ADGRB3: variants seen among roughly 807,000 people sequenced by gnomAD.
ADGRB3 encodes the protein brain-specific angiogenesis inhibitor 3.
Under a neutral mutation model 193.4 loss-of-function variants are expected in ADGRB3, and 37 were observed. The ratio of observed to expected loss-of-function variants is 0.19; its 90% CI spans 0.15 to 0.25. The LOEUF (loss-of-function observed/expected upper bound fraction) is 0.25, where lower values mean the gene tolerates loss of function less well. Among genes scored for constraint, ADGRB3 ranks in the 10% least tolerant of loss-of-function variants. The pLI is 1.00. For synonymous variants in ADGRB3, 690 were observed against 644.2 expected (o/e 1.07, Z -1.08); for missense variants, 1,637 against 1,852.9 (o/e 0.88, Z 2.14).
At chr6:68,834,132 C>A (rs1457517184) in intron 3 of ADGRB3, among the ~76,000 whole-genome samples, 1 of 151,750 alleles carries the variant, frequency 6.6e-6, no homozygotes. Context: ...AACATGCAAA[C>A]CTAGTCTAAA....
At chr6:68,815,357 T>C (rs1198559811) in intron 3 of ADGRB3, among the ~76,000 whole-genome samples, 2 of 152,170 alleles carry the variant, frequency 1.3e-5, no homozygotes, top group Non-Finnish European at 1.5e-5. Context: ...GTAATTACAG[T>C]ATTGACGTGA....
At chr6:68,868,268 G>A (rs1294285963) in intron 3 of ADGRB3, among the ~76,000 whole-genome samples, 4 of 152,074 alleles carry the variant, frequency 2.6e-5, no homozygotes, top group Non-Finnish European at 5.9e-5. Context: ...AAAAGTGTGT[G>A]TCATCCCCCA....
chr6:69,044,053 A>G (rs1036808657), intron 13 of ADGRB3, among the ~76,000 whole-genome samples: 2 of 152,194 alleles, frequency 1.3e-5, no homozygotes, highest in African/African-American at 4.8e-5. Context: ...AAAAACAAAA[A>G]CAAAAACAAA....
intron 10 of ADGRB3, among the ~76,000 whole-genome samples, chr6:68,993,046 T>C (rs1476780871): frequency 6.6e-6 from 1 of 152,188 alleles, no homozygotes; most frequent in African/African-American, 2.4e-5. Context: ...CATTATAAGA[T>C]GTTTTTCCTC....
At chr6:68,852,510 T>G (rs1768425160) in intron 3 of ADGRB3, among the ~76,000 whole-genome samples, 1 of 151,958 alleles carries the variant, frequency 6.6e-6, no homozygotes, top group African/African-American at 2.4e-5. Flanking sequence ...GACAAACACT[T>G]TAGCTATAGC....
rs528309585 is a variant in ADGRB3 at position 69,265,379 on chromosome 6, G to A, written c.2814+26153G>A. Among the ~76,000 whole-genome samples, 34 of 151,718 alleles carry A rather than the reference G, an allele frequency of 2.2e-4. No individual in the cohort carries two copies. In the South Asian group the frequency reaches 2.5e-3, roughly 11 times the overall value. On this transcript the variant is annotated intron_variant, in intron 20 of 31. Coordinates refer to ENST00000370598, the MANE Select transcript of ADGRB3 (RefSeq NM_001704.3). ...TAGCACCATCCCACCCCTAGCCCCCGTCCACAAGAAAACTCTTTATTAGTC... is the reference window on the plus strand; with the variant it reads ...TAGCACCATCCCACCCCTAGCCCCCATCCACAAGAAAACTCTTTATTAGTC...
At chr6:69,371,005 G>T (rs140980661) in intron 29 of ADGRB3, among the ~76,000 whole-genome samples, 1 of 152,116 alleles carries the variant, frequency 6.6e-6, no homozygotes, top group Non-Finnish European at 1.5e-5. Flanking sequence ...ATGTCACCAC[G>T]GCGAGGCTGA....
chr6:68,973,521 A>G (rs956719659), intron 8 of ADGRB3, among the ~76,000 whole-genome samples: 4 of 152,236 alleles, frequency 2.6e-5, no homozygotes, highest in Non-Finnish European at 5.9e-5. Context: ...TGGATTAAAT[A>G]TTATATTATT....
chr6:68,956,639 T>A lies in ADGRB3; in HGVS notation c.1361-6T>A. ...ACTGACATTGACCATGAAACATTTC[T>A]TTCAGCCAATGGTCAATGGAATCAG... is the stretch of plus-strand genomic sequence containing the variant. On this transcript the variant is annotated splice_polypyrimidine_tract_variant and splice_region_variant and intron_variant, in intron 7 of 31. Coordinates refer to ENST00000370598, the MANE Select transcript of ADGRB3 (RefSeq NM_001704.3). The A allele has an allele frequency of 6.2e-7, 1 of 1,613,768 alleles. No individual in the cohort carries two copies. The highest frequency in any genetic ancestry group is 8.5e-7 in the Non-Finnish European group (1 of 1,179,800).
chr6:69,074,810 G>T (rs565002955), intron 16 of ADGRB3, among the ~76,000 whole-genome samples: 46 of 152,246 alleles, frequency 3.0e-4, no homozygotes, highest in African/African-American at 1.1e-3. Flanking sequence ...CTCCCAAAGT[G>T]CTGGGATTAC....
At chr6:68,999,220 A>T (rs575093839) in intron 11 of ADGRB3, among the ~76,000 whole-genome samples, 6 of 151,446 alleles carry the variant, frequency 4.0e-5, no homozygotes, top group Admixed American at 2.0e-4. Flanking sequence ...GACTGTCATA[A>T]CTCCAAGACT....
intron 17 of ADGRB3, among the ~76,000 whole-genome samples, chr6:69,155,952 T>C (rs1022447091): frequency 2.6e-5 from 4 of 152,140 alleles, no homozygotes; most frequent in African/African-American, 9.7e-5. Flanking sequence ...TTTGTTCTTA[T>C]GTTTCTTATA....
chr6:69,017,147 A>G lies in ADGRB3; in HGVS notation c.1999-1244A>G, dbSNP rs148662865. On this transcript the variant is annotated intron_variant, in intron 12 of 31. Coordinates refer to ENST00000370598, the MANE Select transcript of ADGRB3 (RefSeq NM_001704.3). ...TGTCTAAGTCTAATATCCATCATTC[A>G]TGTCTTCAAGTATATGTGAGTAAAT... Among the ~76,000 whole-genome samples the G allele has an allele frequency of 7.8e-3, 1,182 of 152,060 alleles. 14 individuals are homozygous for G. The highest frequency in any genetic ancestry group is 0.027 in the African/African-American group (1,112 of 41,534).
chr6:69,155,638 T>A lies in ADGRB3; in HGVS notation c.2481-77652T>A, dbSNP rs1200136685. ...TGCCATTTATTACTATCAATCCCAA[T>A]CAGTCAATCTACTGCTGCCATCTAA... On this transcript the variant is annotated intron_variant, in intron 17 of 31. Transcript: ENST00000370598. 5.3e-5 allele frequency among the ~76,000 whole-genome samples: 8 copies of A among 152,306 alleles called. No individual in the cohort carries two copies. The South Asian group carries it at 1.7e-3, about 32-fold the overall frequency.
At chr6:68,880,153 G>C (rs552619467) in intron 3 of ADGRB3, among the ~76,000 whole-genome samples, 2 of 152,192 alleles carry the variant, frequency 1.3e-5, no homozygotes, top group East Asian at 3.9e-4. Flanking sequence ...GGATAAGGCA[G>C]CCACTGCCTG....
chr6:68,841,582 C>T (rs1490633191), intron 3 of ADGRB3, among the ~76,000 whole-genome samples: 1 of 152,048 alleles, frequency 6.6e-6, no homozygotes, highest in African/African-American at 2.4e-5. Context: ...ACACAACATA[C>T]CAAAATCTAT....
intron 17 of ADGRB3, among the ~76,000 whole-genome samples, chr6:69,115,575 T>A (rs1465000177): frequency 6.6e-6 from 1 of 152,008 alleles, no homozygotes. Flanking sequence ...TGCACATGTA[T>A]CCCAGAACTT....
intron 8 of ADGRB3, among the ~76,000 whole-genome samples, chr6:68,960,583 G>A (rs1182272158): frequency 6.6e-6 from 1 of 152,146 alleles, no homozygotes; most frequent in Non-Finnish European, 1.5e-5. Flanking sequence ...ACAGGATTAT[G>A]CCTCCTCTGG....
intron 3 of ADGRB3, among the ~76,000 whole-genome samples, chr6:68,772,932 T>TATATATATAC (rs1383379769): frequency 2.1e-5 from 1 of 47,860 alleles, no homozygotes; most frequent in African/African-American, 6.7e-5. Context: ...TATATATATA[T>TATATATATAC]ACATACACAC....
Sources: allele counts gnomAD v4.1 joint callset (sites outside exome capture counted in the v4.1 genomes callset), GRCh38; gene constraint gnomAD v4.1.1; transcripts MANE v1.5; gene names NCBI Gene and HGNC (gene_info 2026-07-23, HGNC 2026-07-21).